PCDH9: variants seen among roughly 807,000 people sequenced by gnomAD.
PCDH9 encodes the protein protocadherin-9.
Under a neutral mutation model 70.6 loss-of-function variants are expected in PCDH9, and 24 were observed. The observed-to-expected ratio is 0.34, with a 90% CI of 0.25 to 0.48. The LOEUF is 0.48. Ranked by LOEUF, PCDH9 falls within the 20% of genes least tolerant of loss-of-function variation. The pLI is 0.99. For synonymous variants in PCDH9, 562 were observed against 558.5 expected (o/e 1.01, Z -0.09); for missense variants, 1,281 against 1,503.6 (o/e 0.85, Z 2.45).
At chr13:66,825,203 A>G (rs2080797723) in intron 3 of PCDH9, 1 of 150,886 alleles carries the variant, frequency 6.6e-6, no homozygotes, top group African/African-American at 2.5e-5. Context: ...ATATATGTAT[A>G]TATATTTTTT....
chr13:66,433,484 A>G lies in PCDH9; in HGVS notation c.3341-128456T>C, dbSNP rs1957811155. On this transcript the variant is annotated intron_variant, in intron 4 of 4. Coordinates refer to ENST00000377865, the MANE Select transcript of PCDH9 (RefSeq NM_203487.3). ...TTATCTATTTCATAAACAAATCTGG[A>G]GAACAAAGAATAATGCCTACATGCT... Among the ~76,000 whole-genome samples, 3 of 151,144 alleles carry G rather than the reference A, an allele frequency of 2.0e-5. No individual in the cohort carries two copies. The South Asian group carries it at 6.3e-4, about 32-fold the overall frequency.
At chr13:66,413,485 G>C (rs1593938018) in intron 4 of PCDH9, among the ~76,000 whole-genome samples, 1 of 152,022 alleles carries the variant, frequency 6.6e-6, no homozygotes, top group East Asian at 1.9e-4. Context: ...AGGAGATCGA[G>C]ACCATCCTGG....
chr13:66,913,414 A>G (rs1323857759), intron 2 of PCDH9, among the ~76,000 whole-genome samples: 5 of 151,992 alleles, frequency 3.3e-5, no homozygotes, highest in Admixed American at 6.6e-5. Flanking sequence ...CAACTTGTAC[A>G]GTATCTAGGA....
chr13:66,645,208 A>G (rs1221980048), intron 3 of PCDH9, among the ~76,000 whole-genome samples: 1 of 151,162 alleles, frequency 6.6e-6, no homozygotes, highest in Non-Finnish European at 1.5e-5. Context: ...ATTAGTTACT[A>G]AGAAACTCTG....
At chr13:66,322,854 T>C (rs984352727) in intron 4 of PCDH9, among the ~76,000 whole-genome samples, 2 of 152,060 alleles carry the variant, frequency 1.3e-5, no homozygotes, top group Non-Finnish European at 2.9e-5. Flanking sequence ...CATCTTTATA[T>C]ACTTCATGTT....
chr13:67,063,327 C>CA (rs1444946029), intron 2 of PCDH9, among the ~76,000 whole-genome samples: 3 of 151,872 alleles, frequency 2.0e-5, no homozygotes, highest in Admixed American at 1.3e-4. Context: ...CCATCTACCA[C>CA]AAAAAAAGCC....
intron 4 of PCDH9, among the ~76,000 whole-genome samples, chr13:66,576,069 T>TA (rs1239561008): frequency 0.023 from 2,412 of 106,026 alleles, 21 homozygotes; most frequent in African/African-American, 0.042. Flanking sequence ...TCACAGCAGA[T>TA]AAAAAAAAAA....
chr13:66,910,158 T>C (rs1482137028), intron 2 of PCDH9, among the ~76,000 whole-genome samples: 1 of 152,184 alleles, frequency 6.6e-6, no homozygotes, highest in Non-Finnish European at 1.5e-5. Flanking sequence ...TTCTCCTTTG[T>C]TCCAACAAGC....
chr13:67,125,477 T>G (rs1186426275), intron 2 of PCDH9, among the ~76,000 whole-genome samples: 1 of 152,128 alleles, frequency 6.6e-6, no homozygotes, highest in Non-Finnish European at 1.5e-5. Flanking sequence ...TCTCTTCTCT[T>G]CCCTTTGTTA....
intron 4 of PCDH9, among the ~76,000 whole-genome samples, chr13:66,444,436 A>T (rs557242026): frequency 6.6e-6 from 1 of 152,206 alleles, no homozygotes; most frequent in East Asian, 1.9e-4. Flanking sequence ...TGAAGTTATA[A>T]CTGTTAGAAA....
intron 4 of PCDH9, among the ~76,000 whole-genome samples, chr13:66,471,561 T>C (rs957648152): frequency 6.6e-6 from 1 of 152,196 alleles, no homozygotes; most frequent in South Asian, 2.1e-4. Flanking sequence ...CTAACACATA[T>C]ATCATATTCT....
chr13:66,544,996 T>C (rs967118574), intron 4 of PCDH9, among the ~76,000 whole-genome samples: 4 of 152,178 alleles, frequency 2.6e-5, no homozygotes, highest in African/African-American at 9.7e-5. Flanking sequence ...TGATCTAATA[T>C]TACTTGGCCA....
intron 3 of PCDH9, among the ~76,000 whole-genome samples, chr13:66,675,575 T>C (rs2078231899): frequency 6.6e-6 from 1 of 152,094 alleles, no homozygotes; most frequent in South Asian, 2.1e-4. Context: ...ATTCATGAAT[T>C]TTGAATAGTG....
intron 4 of PCDH9, among the ~76,000 whole-genome samples, chr13:66,496,691 TCA>T (rs1959123233): frequency 1.3e-5 from 2 of 152,198 alleles, no homozygotes; most frequent in Non-Finnish European, 2.9e-5. Context: ...CAATAATTCC[TCA>T]GTCAGTTACA....
At chr13:66,352,567 G>C (rs552077473) in intron 4 of PCDH9, among the ~76,000 whole-genome samples, 1 of 152,210 alleles carries the variant, frequency 6.6e-6, no homozygotes, top group South Asian at 2.1e-4. Flanking sequence ...GAGGGCTAAT[G>C]AGTGAGCTCT....
chr13:67,105,767 T>G (rs2086527471), intron 2 of PCDH9, among the ~76,000 whole-genome samples: 2 of 151,976 alleles, frequency 1.3e-5, no homozygotes. Flanking sequence ...GACAATTGCT[T>G]AAATGTGTAA....
chr13:66,395,853 A>T (rs1167168614), intron 4 of PCDH9, among the ~76,000 whole-genome samples: 1 of 152,094 alleles, frequency 6.6e-6, no homozygotes, highest in Non-Finnish European at 1.5e-5. Context: ...CTGTATTCTG[A>T]TTAGTACTGA....
At chr13:67,054,229 A>C (rs1401251784) in intron 2 of PCDH9, among the ~76,000 whole-genome samples, 3 of 152,258 alleles carry the variant, frequency 2.0e-5, no homozygotes, top group Non-Finnish European at 4.4e-5. Flanking sequence ...AGTTAACAGA[A>C]GAGTTAATTT....
chr13:66,588,124 G>C (rs2076987509), intron 4 of PCDH9, among the ~76,000 whole-genome samples: 1 of 151,978 alleles, frequency 6.6e-6, no homozygotes, highest in African/African-American at 2.4e-5. Context: ...GAATTTCCCT[G>C]TGGCATTGGG....
Sources: allele counts gnomAD v4.1 joint callset (sites outside exome capture counted in the v4.1 genomes callset), GRCh38; gene constraint gnomAD v4.1.1; transcripts MANE v1.5; gene names NCBI Gene and HGNC (gene_info 2026-07-23, HGNC 2026-07-21).